Variants in ATP10B observed in about 807,000 individuals in gnomAD.
The protein encoded by ATP10B is phospholipid-transporting ATPase VB.
A neutral mutation model predicts 141.2 loss-of-function variants in ATP10B; 122 were observed. That is an observed-to-expected ratio of 0.86 (90% confidence interval 0.75 to 1.00). ATP10B has a LOEUF of 1.00. Ranked by LOEUF, ATP10B falls within the 50% of genes least tolerant of loss-of-function variation. The pLI is 0.00. For missense variants in ATP10B, 1,876 were observed against 1,825.3 expected (o/e 1.03, Z -0.51); for synonymous variants, 685 against 692.0 (o/e 0.99, Z 0.16).
At chr5:160,902,337 T>G in the ATP10B span, among the ~76,000 whole-genome samples, 4 of 152,202 alleles carry the variant, frequency 2.6e-5, no homozygotes, top group Non-Finnish European at 5.9e-5. Flanking sequence ...GAGTGAGGCT[T>G]GGAACCCTAT....
chr5:160,688,019 C>A lies in ATP10B; in HGVS notation c.56G>T (p.Gly19Val), dbSNP rs148199167. The A allele has an allele frequency of 7.2e-4, 1,160 of 1,613,904 alleles. 8 individuals are homozygous for A. The African/African-American group carries it at 0.014, about 19-fold the overall frequency. The part of the protein sequence containing the change: ...WHRWQWRVRD[G>V]FPHCPSETTP... ...GGTTTCCGATGGACAATGGGGGAAG[C>A]CATCTCTGACTCTCCACTGCCACCG... The change falls in exon 5 of 26, where the codon GGC becomes GTC. Residue 19 changes from glycine to valine, a missense_variant. Gly to Val is a moderately radical substitution (Grantham distance 109). Coordinates refer to ENST00000327245, the MANE Select transcript of ATP10B (RefSeq NM_025153.3).
chr5:160,670,427 T>C (rs1232274537), intron 7 of ATP10B, 36 bp downstream of exon 7: 2 of 1,608,176 alleles, frequency 1.2e-6, no homozygotes, highest in African/African-American at 2.7e-5. Context: ...ATCCTTTCTA[T>C]GACTTTACCA....
chr5:160,792,584 G>C (rs1050414908), intron 1 of ATP10B, among the ~76,000 whole-genome samples: 4 of 152,138 alleles, frequency 2.6e-5, no homozygotes, highest in African/African-American at 7.2e-5. Context: ...CAGTACAGCA[G>C]TCACCTTGGA....
At chr5:160,703,336 C>T (rs2127763004) in intron 3 of ATP10B, among the ~76,000 whole-genome samples, 1 of 152,214 alleles carries the variant, frequency 6.6e-6, no homozygotes, top group Non-Finnish European at 1.5e-5. Context: ...ATACTGTAGT[C>T]TATTGTGTGC....
intron 19 of ATP10B, among the ~76,000 whole-genome samples, chr5:160,605,016 C>T (rs1185178750): frequency 6.6e-6 from 1 of 152,280 alleles, no homozygotes; most frequent in East Asian, 1.9e-4. Flanking sequence ...TGCTGAAAGA[C>T]TATTAATCCT....
At chr5:160,922,700 T>C in the ATP10B span, among the ~76,000 whole-genome samples, 1 of 152,270 alleles carries the variant, frequency 6.6e-6, no homozygotes, top group African/African-American at 2.4e-5. Context: ...CACACTTGTC[T>C]TAGAAGCTGA....
At chr5:160,789,758 A>C (rs1771434250) in intron 1 of ATP10B, among the ~76,000 whole-genome samples, 1 of 152,182 alleles carries the variant, frequency 6.6e-6, no homozygotes, top group South Asian at 2.1e-4. Context: ...TAGATAGTGG[A>C]GGTGAGACCT....
At chr5:160,880,085 C>A in the ATP10B span, among the ~76,000 whole-genome samples, 6 of 149,136 alleles carry the variant, frequency 4.0e-5, no homozygotes, top group Non-Finnish European at 8.9e-5. Flanking sequence ...TAGAATATAT[C>A]ATCTATGTGA....
chr5:160,868,286 T>C, the ATP10B span, among the ~76,000 whole-genome samples: 1 of 152,162 alleles, frequency 6.6e-6, no homozygotes, highest in Non-Finnish European at 1.5e-5. Context: ...CTCAAACAGT[T>C]GGTTATTATC....
chr5:160,921,775 ATTCCC>A, the ATP10B span, among the ~76,000 whole-genome samples: 3 of 152,228 alleles, frequency 2.0e-5, no homozygotes, highest in African/African-American at 7.2e-5. Flanking sequence ...AACACAGGAC[ATTCCC>A]TTGGCCCTCT....
chr5:160,620,438 C>T lies in ATP10B; in HGVS notation c.2325G>A (p.Val775=). The T allele has an allele frequency of 6.2e-7, 1 of 1,614,216 alleles. No homozygotes were observed. Among genetic ancestry groups the T allele is most frequent in the Non-Finnish European group, 8.5e-7 (1 of 1,180,028 alleles). ...CGCCAGTCAGTGGGTGCCTCACAAC[C>T]ACAGACATTCTCTTCCTGACAGAGT... is the stretch of plus-strand genomic sequence containing the variant. ...GFDSVRKRMS[V]VVRHPLTGEI... Residue 775 remains valine, a synonymous_variant, in exon 15 of 26, where the codon GTG becomes GTA. Transcript: ENST00000327245.
intron 1 of ATP10B, among the ~76,000 whole-genome samples, chr5:160,830,694 C>T (rs868064327): frequency 1.3e-5 from 2 of 151,674 alleles, no homozygotes; most frequent in Non-Finnish European, 2.9e-5. Context: ...TTGATAGTTC[C>T]ATTATCTGTA....
In ATP10B at chr5:160,851,962, A is replaced by G. The variant is rs1581656001; in HGVS notation, c.-597T>C. ...TTACCCCAGCAAAGCTGACGTCCCTATTGAGCAGACTCCAGTAGAAGAAAA... is the reference window on the plus strand; with the variant it reads ...TTACCCCAGCAAAGCTGACGTCCCTGTTGAGCAGACTCCAGTAGAAGAAAA... On this transcript the variant is annotated 5_prime_UTR_variant, in exon 1 of 26. An upstream open reading frame in the 5' UTR loses its in-frame stop. Coordinates refer to ENST00000327245, the MANE Select transcript of ATP10B (RefSeq NM_025153.3). The G allele has an allele frequency of 1.3e-5, 2 of 152,184 alleles. No individual in the cohort carries two copies. Among genetic ancestry groups the G allele is most frequent in the African/African-American group, 2.4e-5 (1 of 41,456 alleles). 9.4% of individuals were successfully genotyped at this position (152,184 alleles called of 1,614,324 possible). A position where few individuals can be genotyped will look rare whatever the true frequency, so the allele number is the denominator to read the frequency against.
chr5:160,813,665 G>A (rs1246756450), intron 1 of ATP10B, among the ~76,000 whole-genome samples: 1 of 152,216 alleles, frequency 6.6e-6, no homozygotes, highest in Non-Finnish European at 1.5e-5. Flanking sequence ...CTGGAGATCT[G>A]AGAACGGACA....
At chr5:160,823,029 TATATATAA>T (rs1774292731) in intron 1 of ATP10B, among the ~76,000 whole-genome samples, 4 of 119,998 alleles carry the variant, frequency 3.3e-5, no homozygotes, top group Non-Finnish European at 7.0e-5. Context: ...TATATATATA[TATATATAA>T]AATAAAGAGT....
chr5:160,804,027 G>A (rs1772594480), intron 1 of ATP10B, among the ~76,000 whole-genome samples: 2 of 152,090 alleles, frequency 1.3e-5, no homozygotes, highest in South Asian at 2.1e-4. Flanking sequence ...GTGCCCTGAT[G>A]TCCTCCTGTG....
At chr5:160,573,608 G>A (rs1239808629) in intron 24 of ATP10B, among the ~76,000 whole-genome samples, 1 of 152,136 alleles carries the variant, frequency 6.6e-6, no homozygotes, top group Admixed American at 6.6e-5. Context: ...ATAGGAGCAC[G>A]AGAACTCTAT....
intron 12 of ATP10B, 127 bp from the exon 13 acceptor site, chr5:160,632,494 A>G (rs539031327): frequency 1.2e-6 from 1 of 835,308 alleles, no homozygotes; most frequent in South Asian, 1.7e-5. Flanking sequence ...AAAAATTGGC[A>G]TCTGGGCTAC....
intron 13 of ATP10B, among the ~76,000 whole-genome samples, chr5:160,630,518 G>A (rs1461053576): frequency 6.6e-6 from 1 of 152,226 alleles, no homozygotes; most frequent in East Asian, 1.9e-4. Flanking sequence ...TGGGATGCCT[G>A]TGGTATCTAG....
Sources: gnomAD v4.1 joint callset for allele counts (sites outside exome capture counted in the v4.1 genomes callset) on GRCh38, gnomAD v4.1.1 for gene constraint, MANE v1.5 for transcripts, NCBI Gene and HGNC (gene_info 2026-07-23, HGNC 2026-07-21) for gene names.